SYNE1: variants seen among roughly 807,000 people sequenced by gnomAD.
The protein encoded by SYNE1 is nesprin-1.
A neutral mutation model predicts 1,111.0 loss-of-function variants in SYNE1; 616 were observed. That is an observed-to-expected ratio of 0.55 (90% CI 0.52 to 0.59). The LOEUF (loss-of-function observed/expected upper bound fraction) is 0.59, where lower values mean the gene tolerates loss of function less well. Ranked by LOEUF, SYNE1 falls within the 20% of genes least tolerant of loss-of-function variation. The pLI is 0.00. For synonymous variants in SYNE1, 3,855 were observed against 3,825.8 expected, an observed-to-expected ratio of 1.01 and a Z score of -0.28; for missense variants, 10,006 against 10,417.0, an observed-to-expected ratio of 0.96 and a Z score of 1.72.
At position 152,164,238 on chromosome 6, in the gene SYNE1, C is replaced by T; in HGVS notation, c.23715G>A (p.Glu7905=). Reference sequence around the variant, plus strand: ...AGACTATTGGCTTGGCCAGCTCTGACTCGATGTGAGCGAGCCAGGTCCTCA... The same window carrying T: ...AGACTATTGGCTTGGCCAGCTCTGATTCGATGTGAGCGAGCCAGGTCCTCA... ...SSLRTWLAHI[E]SELAKPIVYD... The change falls in exon 131 of 146, where the codon GAG becomes GAA. Residue 7905 remains glutamate (E), a synonymous_variant. Coordinates refer to ENST00000367255, the MANE Select transcript of SYNE1 (RefSeq NM_182961.4). The T allele has an allele frequency of 6.2e-7, 1 of 1,614,162 alleles. No homozygotes were observed. Among genetic ancestry groups the T allele is most frequent in the Non-Finnish European group, 8.5e-7 (1 of 1,180,036 alleles).
At chr6:152,345,416 C>A (rs1180753428) in intron 73 of SYNE1, among the ~76,000 whole-genome samples, 1 of 152,008 alleles carries the variant, frequency 6.6e-6, no homozygotes, top group Non-Finnish European at 1.5e-5. Context: ...TTATTAGATT[C>A]TTGTAGTCCT....
rs367687150 is a variant in SYNE1 at position 152,605,460 on chromosome 6, A to G, written c.67+22805T>C. On this transcript the variant is annotated intron_variant, in intron 3 of 145. Coordinates refer to ENST00000367255, the MANE Select transcript of SYNE1 (RefSeq NM_182961.4). ...AGGGAGTGTCTAATGTTCCACATCA[A>G]TAATCTGACCCACATCAGAAGCTAT... Among the ~76,000 whole-genome samples, 56 of 152,352 alleles carry G rather than the reference A, an allele frequency of 3.7e-4. 1 individual carries two copies. The highest frequency in any genetic ancestry group is 1.0e-3 in the African/African-American group (43 of 41,582).
intron 101 of SYNE1, among the ~76,000 whole-genome samples, chr6:152,257,741 G>A (rs897271163): frequency 4.0e-5 from 6 of 151,890 alleles, no homozygotes; most frequent in Non-Finnish European, 7.4e-5. Context: ...ACAAAGATCA[G>A]TACAACTAAA....
intron 39 of SYNE1, among the ~76,000 whole-genome samples, chr6:152,422,778 G>A (rs373400822): frequency 6.6e-6 from 1 of 152,002 alleles, no homozygotes; most frequent in Non-Finnish European, 1.5e-5. Context: ...CAAAACTCTG[G>A]GATTATGGGC....
intron 38 of SYNE1, 149 bp downstream of exon 38, chr6:152,427,544 T>G (rs2098379330): frequency 2.1e-6 from 2 of 937,456 alleles, no homozygotes; most frequent in South Asian, 3.1e-5. Flanking sequence ...TTCTTCTTTT[T>G]GGAACACCCT....
chr6:152,129,308 T>A (rs990676953), intron 145 of SYNE1: 4 of 152,248 alleles, frequency 2.6e-5, no homozygotes, highest in African/African-American at 9.6e-5. Context: ...ATCATTTGTA[T>A]CAACCAAAGA....
chr6:152,548,807 G>A (rs997389663), intron 3 of SYNE1, among the ~76,000 whole-genome samples: 5 of 152,134 alleles, frequency 3.3e-5, no homozygotes, highest in South Asian at 2.1e-4. Context: ...TTCCCATCCA[G>A]GGGTAGAATC....
At chr6:152,457,009 C>A (rs944963754) in intron 22 of SYNE1, among the ~76,000 whole-genome samples, 1 of 151,978 alleles carries the variant, frequency 6.6e-6, no homozygotes, top group African/African-American at 2.4e-5. Flanking sequence ...ATGCTATGAA[C>A]ATTATTTTAA....
intron 13 of SYNE1, among the ~76,000 whole-genome samples, chr6:152,483,668 C>T (rs912974615): frequency 8.5e-5 from 13 of 152,078 alleles, no homozygotes; most frequent in Admixed American, 7.9e-4. Flanking sequence ...CCATTAAAAC[C>T]TCCCACGTGA....
chr6:152,425,285 T>A, intron 39 of SYNE1, 96 bp downstream of exon 39: 2 of 1,362,132 alleles, frequency 1.5e-6, no homozygotes, highest in Non-Finnish European at 2.0e-6. Context: ...GTAGTTGAGT[T>A]AAATAAAAGT....
rs755740366 is a variant in SYNE1 at position 152,254,999 on chromosome 6, G to A, written c.19351C>T (p.Arg6451Ter). ...SQAFPENGDN[R>*]DVIEDTLGCL... Reference sequence around the variant, plus strand: ...CCCAAAGTATCTTCAATAACATCTCGATTATCACCATTCTCTGGAAAAGCT... The same window carrying A: ...CCCAAAGTATCTTCAATAACATCTCAATTATCACCATTCTCTGGAAAAGCT... The change falls in exon 104 of 146, where the codon CGA becomes TGA. Residue 6451 changes from arginine (R) to a stop codon, truncating the protein, a stop_gained. Coordinates refer to ENST00000367255, the MANE Select transcript of SYNE1 (RefSeq NM_182961.4). LOFTEE classifies it high-confidence loss of function. The A allele has an allele frequency of 1.9e-6, 3 of 1,613,598 alleles. No homozygotes were observed. The highest frequency in any genetic ancestry group is 1.7e-5 in the Admixed American group (1 of 59,966).
At position 152,176,516 on chromosome 6, in the gene SYNE1, C is replaced by A; in HGVS notation, c.23505G>T (p.Gln7835His). 2 of 1,613,862 alleles carry A rather than the reference C, an allele frequency of 1.2e-6. No individual in the cohort carries two copies. The highest frequency in any genetic ancestry group is 1.1e-5 in the South Asian group (1 of 91,076). ...CAAGTCGTTCTCCCATTTGTTGGAG[C>A]TGTATTTTGTTCTCTTGAGCAATAG... ...EIAIAQENKIQLQQMGERLAK... is the reference protein window; with the variant it reads ...EIAIAQENKIHLQQMGERLAK... The change falls in exon 130 of 146, where the codon CAG becomes CAT. Residue 7835 changes from glutamine to histidine, a missense_variant. Gln to His is a conservative substitution (Grantham distance 24). Around this residue, in one of 7 missense-constraint regions of SYNE1, gnomAD observed 2,182 missense variants for 2,287.8 expected, o/e 0.95. Coordinates refer to ENST00000367255, the MANE Select transcript of SYNE1 (RefSeq NM_182961.4).
At position 152,331,249 on chromosome 6, in the gene SYNE1, C is replaced by T. The variant is rs768085752; in HGVS notation, c.13436G>A (p.Arg4479His). The T allele has an allele frequency of 1.8e-5, 29 of 1,613,986 alleles. No homozygotes were observed. Among genetic ancestry groups the T allele is most frequent in the Admixed American group, 5.0e-5 (3 of 60,008 alleles). ...IQQHERKIMF[R>H]EHICLLPDDV... ...ATCTGGTAACAGACAGATGTGTTCA[C>T]GGAACATTATCTTTCGCTCATGTTG... is the stretch of plus-strand genomic sequence containing the variant. Residue 4479 changes from arginine to histidine, a missense_variant, in exon 78 of 146, where the codon CGT becomes CAT. Around this residue, in one of 7 missense-constraint regions of SYNE1, gnomAD observed 4,955 missense variants for 5,017.2 expected, o/e 0.99. Transcript: ENST00000367255.
Position 152,350,602 on chromosome 6 carries a change from T to C in SYNE1, c.11733+16A>G, listed in dbSNP as rs779053240. ...GGAAAATAAACCCTTTTACGGAGTC[T>C]TTCATCTCTCCTTACCTTTCCTATG... On this transcript the variant is annotated intron_variant, in intron 71 of 145. Coordinates refer to ENST00000367255, the MANE Select transcript of SYNE1 (RefSeq NM_182961.4). The C allele has an allele frequency of 6.2e-7, 1 of 1,614,188 alleles. No homozygotes were observed. The highest frequency in any genetic ancestry group is 2.2e-5 in the East Asian group (1 of 44,884).
intron 75 of SYNE1, among the ~76,000 whole-genome samples, chr6:152,337,249 GTTATGCTAT>G (rs1473645441): frequency 4.0e-5 from 6 of 151,858 alleles, no homozygotes; most frequent in African/African-American, 1.5e-4. Flanking sequence ...ATGTCTACAA[GTTATGCTAT>G]ATGGTTTTAA....
At chr6:152,156,726 A>G (rs1209577251) in intron 131 of SYNE1, among the ~76,000 whole-genome samples, 1 of 152,230 alleles carries the variant, frequency 6.6e-6, no homozygotes, top group Non-Finnish European at 1.5e-5. Flanking sequence ...CTTTTGATCT[A>G]CGGTTGGTGG....
At chr6:152,564,587 G>A (rs974380467) in intron 3 of SYNE1, among the ~76,000 whole-genome samples, 1 of 152,122 alleles carries the variant, frequency 6.6e-6, no homozygotes, top group African/African-American at 2.4e-5. Flanking sequence ...AAAATGCTAG[G>A]ATTACAGGCG....
intron 3 of SYNE1, among the ~76,000 whole-genome samples, chr6:152,580,459 G>T (rs2099515649): frequency 6.6e-6 from 1 of 152,090 alleles, no homozygotes; most frequent in African/African-American, 2.4e-5. Context: ...CCATTCTGTA[G>T]GTTGTCTGTT....
intron 4 of SYNE1, among the ~76,000 whole-genome samples, chr6:152,527,154 T>C (rs1161393051): frequency 6.6e-6 from 1 of 152,188 alleles, no homozygotes; most frequent in Non-Finnish European, 1.5e-5. Context: ...CAATGTTCTT[T>C]CTTTCTTTAA....
Sources: gnomAD v4.1 joint callset for allele counts (sites outside exome capture counted in the v4.1 genomes callset) on GRCh38, gnomAD v4.1.1 for gene constraint, gnomAD v4.1.1 regional missense constraint, MANE v1.5 for transcripts, NCBI Gene and HGNC (gene_info 2026-07-23, HGNC 2026-07-21) for gene names.